TWNK: variants seen among roughly 807,000 people sequenced by gnomAD.
TWNK encodes the protein T7 gp4-like protein with intramitochondrial nucleoid localization.
In TWNK, 36 loss-of-function variants were observed where a neutral mutation model predicts 58.2. The ratio of observed to expected loss-of-function variants is 0.62; its 90% confidence interval spans 0.47 to 0.82. TWNK has a LOEUF of 0.82. Among genes scored for constraint, TWNK ranks in the 40% least tolerant of loss-of-function variants. TWNK has a pLI of 0.00. For synonymous variants in TWNK, 349 were observed against 348.5 expected, an observed-to-expected ratio of 1.00 and a Z score of -0.02; for missense variants, 714 against 881.0, an observed-to-expected ratio of 0.81 and a Z score of 2.40.
At position 100,987,959 on chromosome 10, in the gene TWNK, T is replaced by A. The variant is rs532522444; in HGVS notation, c.-252T>A. ...TAGAGGTGAGGTGGCGGAGAGAAAC[T>A]AACTAACGGACCATAGAGGTGGGGG... On this transcript the variant is annotated 5_prime_UTR_variant, in exon 1 of 5. Coordinates refer to ENST00000311916, the MANE Select transcript of TWNK (RefSeq NM_021830.5). 3 of 624,252 alleles carry A rather than the reference T, an allele frequency of 4.8e-6. No individual in the cohort carries two copies. Among genetic ancestry groups the A allele is most frequent in the African/African-American group, 3.7e-5 (2 of 54,544 alleles). The allele number at this position is 624,252 out of a possible 1,614,324, so 38.7% of individuals were successfully genotyped here. A position where few individuals can be genotyped will look rare whatever the true frequency, so the allele number is the denominator to read the frequency against.
Position 100,990,453 on chromosome 10 carries a change from T to G in TWNK, c.1502T>G (p.Met501Arg), listed in dbSNP as rs754173710. 5 of 1,613,942 alleles carry G rather than the reference T, an allele frequency of 3.1e-6. No homozygotes were observed. Among genetic ancestry groups the G allele is most frequent in the Non-Finnish European group, 2.5e-6 (3 of 1,179,800 alleles). The change falls in exon 3 of 5, where the codon ATG becomes AGG. Residue 501 changes from methionine (M) to arginine (R), a missense_variant. By Grantham distance (91) the Met-to-Arg change is moderately conservative (BLOSUM62 -1). Transcript: ENST00000311916. ...CTTCCCAGGACTGTAATAGATACAA[T>G]GCAACATGCAGTCTACGTCTATGAC... ...QQSIRTVIDTMQHAVYVYDIC... is the reference protein window; with the variant it reads ...QQSIRTVIDTRQHAVYVYDIC...
intron 4 of TWNK, among the ~76,000 whole-genome samples, chr10:100,991,857 A>C (rs1851782467): frequency 2.6e-5 from 2 of 77,710 alleles, no homozygotes; most frequent in Non-Finnish European, 4.7e-5. Flanking sequence ...TAAAAATACA[A>C]AAAAAAAAAA....
Position 100,993,690 on chromosome 10 carries a change from T to C in TWNK, c.*180T>C. On this transcript the variant is annotated 3_prime_UTR_variant, in exon 5 of 5. Transcript: ENST00000311916. ...ATGTAGCAGACTACTGAGAAACTAC[T>C]GTGTTGCTCAGGCTTTGTTTGAGGT... The C allele has an allele frequency of 1.5e-6, 1 of 684,416 alleles. No homozygotes were observed. The highest frequency in any genetic ancestry group is 2.5e-6 in the Non-Finnish European group (1 of 400,612). 42.4% of individuals were successfully genotyped at this position (684,416 alleles called of 1,614,324 possible).
In TWNK at chr10:100,993,248, C is replaced by G. The variant is rs756179376; in HGVS notation, c.1793C>G (p.Pro598Arg). The G allele has an allele frequency of 6.2e-7, 1 of 1,614,196 alleles. No homozygotes were observed. The highest frequency in any genetic ancestry group is 8.5e-7 in the Non-Finnish European group (1 of 1,180,038). ...ILQDRKLVTG[P>R]GKRYLQVSKN... ...CAGGACAGGAAGCTGGTAACCGGGC[C>G]AGGGAAACGGTATCTGCAGGTGTCC... Residue 598 changes from proline to arginine, a missense_variant, in exon 5 of 5, where the codon CCA (proline) becomes CGA (arginine). Transcript: ENST00000311916.
Position 100,987,606 on chromosome 10 carries a change from G to T in TWNK, c.-605G>T, listed in dbSNP as rs3740484. The T allele has an allele frequency of 0.34, 363,610 of 1,081,648 alleles. 63,608 individuals carry two copies. Among genetic ancestry groups the T allele is most frequent in the East Asian group, 0.57 (21,744 of 38,374 alleles). The allele number at this position is 1,081,648 out of a possible 1,614,324, so 67.0% of individuals were successfully genotyped here. ...CACGTTGCCGGCGAAGTGGGAGAGA[G>T]AAAAGTGGTAACCTGGGGCTGGGGG... On this transcript the variant is annotated 5_prime_UTR_variant, in exon 1 of 5. It introduces an in-frame stop codon into an upstream open reading frame of the 5' UTR. Coordinates refer to ENST00000311916, the MANE Select transcript of TWNK (RefSeq NM_021830.5).
intron 4 of TWNK, 152 bp downstream of exon 4, chr10:100,991,162 C>T (rs1851762892): frequency 8.8e-7 from 1 of 1,139,740 alleles, no homozygotes; most frequent in Non-Finnish European, 1.2e-6. Flanking sequence ...AATATATGTG[C>T]TGGAAATACA....
chr10:100,991,794 C>T (rs539630753), intron 4 of TWNK, among the ~76,000 whole-genome samples: 3 of 150,308 alleles, frequency 2.0e-5, no homozygotes, highest in South Asian at 2.1e-4. Context: ...GGGTGGATCA[C>T]GAGGTCAGGA....
At position 100,989,504 on chromosome 10, in the gene TWNK, G is replaced by T; in HGVS notation, c.1243+51G>T. ...AGAGTAAAGGGGCAGAAGATCAGGT[G>T]ACAAAAGCAAGTGGGTTTGGGCCAT... On this transcript the variant is annotated intron_variant, in intron 1 of 4. Transcript: ENST00000311916. This position sits in a 1 kb window ranked among gnomAD's most constrained non-coding sequence, Gnocchi z 7.6. 6.2e-7 allele frequency: 1 copy of T among 1,610,830 alleles called. No homozygotes were observed. The highest frequency in any genetic ancestry group is 1.1e-5 in the South Asian group (1 of 90,904).
rs1444718593 is a variant in TWNK, at chr10:100,988,929, G to A, written c.719G>A (p.Arg240Gln). Reference protein sequence around the residue: ...GVSYEETTIPRPSAYHNLFGL... With the variant: ...GVSYEETTIPQPSAYHNLFGL... ...AGCTACGAGGAAACCACTATTCCCC[G>A]ACCCAGCGCCTACCACAATCTGTTT... The change falls in exon 1 of 5, where the codon CGA (arginine) becomes CAA (glutamine). Residue 240 changes from arginine (R) to glutamine (Q), a missense_variant. Physicochemically the swap from Arg to Gln is conservative, Grantham distance 43. This residue lies in a region of TWNK where 348 missense variants were observed against 388.4 expected (regional missense o/e 0.90). Coordinates refer to ENST00000311916, the MANE Select transcript of TWNK (RefSeq NM_021830.5). The surrounding 1 kb of genome is among the most constrained non-coding windows in gnomAD (Gnocchi z 5.2). 6 of 1,614,024 alleles carry A rather than the reference G, an allele frequency of 3.7e-6. No individual in the cohort carries two copies. The highest frequency in any genetic ancestry group is 5.1e-6 in the Non-Finnish European group (6 of 1,180,034).
rs750231609 is a variant in TWNK at position 100,992,205 on chromosome 10, C to CT, written c.1735-959dup. Among the ~76,000 whole-genome samples, 484 of 79,010 alleles carry CT rather than the reference C, an allele frequency of 6.1e-3. 47 individuals carry two copies. Among genetic ancestry groups the CT allele is most frequent in the African/African-American group, 0.018 (320 of 17,852 alleles). 51.8% of individuals were successfully genotyped at this position (79,010 alleles called of 152,430 possible). On this transcript the variant is annotated intron_variant, in intron 4 of 4. Transcript: ENST00000311916. ...CCTGGGCAGCAGAGTGAGACCCTAT[C>CT]TTTTTTTTTTTTTTTTTTTTTTTTT...
Position 100,990,454 on chromosome 10 carries a change from G to A in TWNK, c.1503G>A (p.Met501Ile). ...QQSIRTVIDT[M>I]QHAVYVYDIC... ...TTCCCAGGACTGTAATAGATACAAT[G>A]CAACATGCAGTCTACGTCTATGACA... The change falls in exon 3 of 5, where the codon ATG becomes ATA. Residue 501 changes from methionine (M) to isoleucine (I), a missense_variant. Met to Ile is a conservative substitution (Grantham distance 10, BLOSUM62 1). Coordinates refer to ENST00000311916, the MANE Select transcript of TWNK (RefSeq NM_021830.5). The A allele has an allele frequency of 6.2e-7, 1 of 1,613,944 alleles. No individual in the cohort carries two copies. The highest frequency in any genetic ancestry group is 8.5e-7 in the Non-Finnish European group (1 of 1,179,822).
chr10:100,990,730 A>T, intron 3 of TWNK, 139 bp from the exon 4 acceptor site: 1 of 1,576,548 alleles, frequency 6.3e-7, no homozygotes, highest in South Asian at 1.1e-5. Flanking sequence ...ATGGACAGGG[A>T]TCTGAGTGTG....
At position 100,989,723 on chromosome 10, in the gene TWNK, G is replaced by C; in HGVS notation, c.1323G>C (p.Trp441Cys). The change falls in exon 2 of 5, where the codon TGG (tryptophan) becomes TGC (cysteine). Residue 441 changes from tryptophan to cysteine, a missense_variant. Physicochemically the swap from Trp to Cys is radical, Grantham distance 215. Transcript: ENST00000311916. The surrounding 1 kb of genome is among the most constrained non-coding windows in gnomAD (Gnocchi z 7.6). ...DLCSQGVNTL[W>C]GSFEISNVRL... ...GTTCCCAGGGGGTGAACACACTGTGGGGTAGCTTCGAGATCAGCAATGTGA... is the reference window on the plus strand; with the variant it reads ...GTTCCCAGGGGGTGAACACACTGTGCGGTAGCTTCGAGATCAGCAATGTGA... 6.2e-7 allele frequency: 1 copy of C among 1,614,202 alleles called. No individual in the cohort carries two copies. Among genetic ancestry groups the C allele is most frequent in the Non-Finnish European group, 8.5e-7 (1 of 1,180,046 alleles).
At chr10:100,992,467 G>A (rs566362651) in intron 4 of TWNK, among the ~76,000 whole-genome samples, 8 of 147,290 alleles carry the variant, frequency 5.4e-5, no homozygotes, top group South Asian at 2.1e-4. Flanking sequence ...CGTCCGCCTC[G>A]GCCTCCCAAA....
In TWNK at chr10:100,990,970, AC is replaced by A; in HGVS notation, c.1695del (p.Asp565GlufsTer23). 1 of 1,614,256 alleles carries A rather than the reference AC, an allele frequency of 6.2e-7. No individual in the cohort carries two copies. Among genetic ancestry groups the A allele is most frequent in the South Asian group, 1.1e-5 (1 of 91,086 alleles). ...LVIHPRKEDD[D>X]KELQTASIFG... is the part of the protein sequence containing the mutation. ...ATTCACCCCCGGAAAGAGGATGATG[AC>A]AAGGAACTGCAGACAGCGTCCATTT... On this transcript the variant is annotated frameshift_variant, in exon 4 of 5. Transcript: ENST00000311916. LOFTEE classifies it high-confidence loss of function.
chr10:100,989,411 A>G lies in TWNK; in HGVS notation c.1201A>G (p.Ile401Val). ...GAGCCGCTTTCCAGACCTCAATCGT[A>G]TCTTGAAGGGACATCGAAAGGGCGA... Reference protein sequence around the residue: ...RWSRFPDLNRILKGHRKGELT... With the variant: ...RWSRFPDLNRVLKGHRKGELT... Residue 401 changes from isoleucine to valine, a missense_variant, in exon 1 of 5, where the codon ATC (isoleucine) becomes GTC (valine). Ile to Val is a conservative substitution (Grantham distance 29, BLOSUM62 3). Transcript: ENST00000311916. The surrounding 1 kb of genome is among the most constrained non-coding windows in gnomAD (Gnocchi z 7.6). 1.2e-6 allele frequency: 2 copies of G among 1,614,190 alleles called. No homozygotes were observed. The highest frequency in any genetic ancestry group is 8.5e-7 in the Non-Finnish European group (1 of 1,180,036).
At position 100,993,602 on chromosome 10, in the gene TWNK, C is replaced by T. The variant is rs913287402; in HGVS notation, c.*92C>T. Reference sequence around the variant, plus strand: ...GGCTCCTCTATCCTGTGGTCCTGAGCTGTGTGCCCTTCTCAGTCTGAGGGG... The same window carrying T: ...GGCTCCTCTATCCTGTGGTCCTGAGTTGTGTGCCCTTCTCAGTCTGAGGGG... On this transcript the variant is annotated 3_prime_UTR_variant, in exon 5 of 5. Transcript: ENST00000311916. The T allele has an allele frequency of 3.1e-5, 44 of 1,406,074 alleles. No homozygotes were observed. Among genetic ancestry groups the T allele is most frequent in the Non-Finnish European group, 4.1e-5 (42 of 1,012,890 alleles). The allele number at this position is 1,406,074 out of a possible 1,614,324, so 87.1% of individuals were successfully genotyped here.
In TWNK at chr10:100,988,801, T is replaced by C. The variant is rs768535338; in HGVS notation, c.591T>C (p.Tyr197=). The part of the protein sequence containing the change: ...DDTLKRFSVR[Y]LRPARSLVFP... ...CACTCAAGCGTTTCAGTGTGCGATA[T>C]CTGCGACCTGCTCGCAGTCTTGTCT... is the stretch of plus-strand genomic sequence containing the variant. The change falls in exon 1 of 5, where the codon TAT becomes TAC. Residue 197 remains tyrosine (Y), a synonymous_variant. Coordinates refer to ENST00000311916, the MANE Select transcript of TWNK (RefSeq NM_021830.5). This position sits in a 1 kb window ranked among gnomAD's most constrained non-coding sequence, Gnocchi z 5.2. 3 of 1,614,178 alleles carry C rather than the reference T, an allele frequency of 1.9e-6. No individual in the cohort carries two copies. Among genetic ancestry groups the C allele is most frequent in the East Asian group, 4.5e-5 (2 of 44,884 alleles).
rs1590020707 is a variant in TWNK at position 100,989,942 on chromosome 10, A to ACCTTTGGT, written c.1484+59_1484+66dup. ...CCCAGACATATCCCAGCACTCAGGA[A>ACCTTTGGT]CCTTTGGTTCCTTTTCCAGCTCCAG... On this transcript the variant is annotated intron_variant, in intron 2 of 4. Coordinates refer to ENST00000311916, the MANE Select transcript of TWNK (RefSeq NM_021830.5). This position sits in a 1 kb window ranked among gnomAD's most constrained non-coding sequence, Gnocchi z 7.6. 9.3e-6 allele frequency: 15 copies of ACCTTTGGT among 1,610,644 alleles called. No individual in the cohort carries two copies. In the East Asian group the frequency reaches 3.3e-4, roughly 36 times the overall value.
Sources: gnomAD v4.1 joint callset for allele counts (sites outside exome capture counted in the v4.1 genomes callset) on GRCh38, gnomAD v4.1.1 for gene constraint, gnomAD v4.1.1 regional missense constraint, Gnocchi (gnomAD v3.1) non-coding constraint, MANE v1.5 for transcripts, NCBI Gene and HGNC (gene_info 2026-07-23, HGNC 2026-07-21) for gene names.